CDH12: variants seen among roughly 807,000 people sequenced by gnomAD.
The protein encoded by CDH12 is cadherin 12, also known as cadherin-12.
A neutral mutation model predicts 74.1 loss-of-function variants in CDH12; 41 were observed. That is an observed-to-expected ratio of 0.55 (90% CI 0.43 to 0.72). CDH12 has a LOEUF of 0.72. Ranked by LOEUF, CDH12 falls within the 30% of genes least tolerant of loss-of-function variation. CDH12 has a pLI of 0.00. For missense variants in CDH12, 945 were observed against 977.2 expected, an observed-to-expected ratio of 0.97 and a Z score of 0.44; for synonymous variants, 399 against 355.0, an observed-to-expected ratio of 1.12 and a Z score of -1.39.
At chr5:22,531,413 T>C (rs1299628336) in intron 1 of CDH12, among the ~76,000 whole-genome samples, 1 of 152,092 alleles carries the variant, frequency 6.6e-6, no homozygotes, top group Non-Finnish European at 1.5e-5. Flanking sequence ...TCAACTACAC[T>C]ACAAATTTTT....
intron 3 of CDH12, among the ~76,000 whole-genome samples, chr5:22,391,254 G>C (rs1264072008): frequency 2.0e-5 from 3 of 152,036 alleles, no homozygotes; most frequent in Non-Finnish European, 4.4e-5. Context: ...TGGAACTCTG[G>C]GAAAAGCATT....
intron 5 of CDH12, among the ~76,000 whole-genome samples, chr5:22,072,360 A>C: frequency 6.6e-6 from 1 of 152,082 alleles, no homozygotes; most frequent in East Asian, 1.9e-4. Flanking sequence ...TGAAGTTTCA[A>C]GCCTCAGGGC....
At chr5:22,101,974 G>A (rs1334173093) in intron 4 of CDH12, among the ~76,000 whole-genome samples, 5 of 152,104 alleles carry the variant, frequency 3.3e-5, no homozygotes, top group Admixed American at 1.3e-4. Flanking sequence ...TGTTCCAATA[G>A]TGCCATATTT....
chr5:22,546,744 A>G (rs1374689749), intron 1 of CDH12, among the ~76,000 whole-genome samples: 1 of 152,124 alleles, frequency 6.6e-6, no homozygotes, highest in Non-Finnish European at 1.5e-5. Context: ...AGAACCTATA[A>G]TCCATATGTA....
chr5:22,094,412 A>C (rs1384259009), intron 4 of CDH12, among the ~76,000 whole-genome samples: 2 of 152,142 alleles, frequency 1.3e-5, no homozygotes, highest in African/African-American at 2.4e-5. Flanking sequence ...AGTTTTATTC[A>C]CCAGAATTCC....
intron 4 of CDH12, among the ~76,000 whole-genome samples, chr5:22,105,931 A>G (rs1744414632): frequency 1.3e-5 from 2 of 152,216 alleles, no homozygotes; most frequent in South Asian, 4.1e-4. Context: ...TTTTCCTTAA[A>G]TGTTAAGGGC....
intron 4 of CDH12, among the ~76,000 whole-genome samples, chr5:22,153,263 G>A (rs534906789): frequency 1.4e-5 from 2 of 144,522 alleles, no homozygotes; most frequent in East Asian, 4.1e-4. Context: ...AAACTTCAAT[G>A]TGCAGATGAA....
At chr5:21,934,856 G>C (rs1755004225) in intron 6 of CDH12, among the ~76,000 whole-genome samples, 1 of 151,950 alleles carries the variant, frequency 6.6e-6, no homozygotes, top group Admixed American at 6.6e-5. Flanking sequence ...GCGCGATCTT[G>C]GCTCATTGCA....
intron 8 of CDH12, among the ~76,000 whole-genome samples, chr5:21,840,984 A>T (rs1165154542): frequency 6.6e-6 from 1 of 151,882 alleles, no homozygotes; most frequent in Non-Finnish European, 1.5e-5. Flanking sequence ...AAGCAATGGC[A>T]ACAAAAGCCA....
At chr5:21,874,685 G>A (rs1044641420) in intron 6 of CDH12, among the ~76,000 whole-genome samples, 1 of 152,032 alleles carries the variant, frequency 6.6e-6, no homozygotes, top group Non-Finnish European at 1.5e-5. Context: ...AGCTTTGCTC[G>A]CCATCCACCA....
intron 5 of CDH12, among the ~76,000 whole-genome samples, chr5:22,055,234 C>T (rs1422204357): frequency 6.6e-6 from 1 of 152,098 alleles, no homozygotes; most frequent in African/African-American, 2.4e-5. Flanking sequence ...GAGGCAGCTG[C>T]AAAGAAGACT....
At chr5:22,119,152 C>G (rs1357924570) in intron 4 of CDH12, among the ~76,000 whole-genome samples, 3 of 152,100 alleles carry the variant, frequency 2.0e-5, no homozygotes, top group African/African-American at 7.2e-5. Context: ...CAGGCAAACA[C>G]TAAACCTTGC....
At chr5:22,255,288 GTT>G (rs1011894604) in intron 3 of CDH12, among the ~76,000 whole-genome samples, 7 of 151,348 alleles carry the variant, frequency 4.6e-5, no homozygotes, top group African/African-American at 1.7e-4. Context: ...TGATGTATGA[GTT>G]TCTATTTTTC....
rs75314169 is a variant in CDH12 at position 22,347,342 on chromosome 5, C to T, written c.-333+57915G>A. On this transcript the variant is annotated intron_variant, in intron 3 of 14. Coordinates refer to ENST00000382254, the MANE Select transcript of CDH12 (RefSeq NM_004061.5). ...TGGAAGGATCTGACTGGCTAAGTCTCTGGCTTTCATCTTTCTCCTGTGCTG... is the reference window on the plus strand; with the variant it reads ...TGGAAGGATCTGACTGGCTAAGTCTTTGGCTTTCATCTTTCTCCTGTGCTG... Among the ~76,000 whole-genome samples, 4 of 152,304 alleles carry T rather than the reference C, an allele frequency of 2.6e-5. No homozygotes were observed. The East Asian group carries it at 7.7e-4, about 30-fold the overall frequency.
chr5:22,698,310 T>A (rs566856263), intron 1 of CDH12, among the ~76,000 whole-genome samples: 14 of 151,452 alleles, frequency 9.2e-5, no homozygotes, highest in Admixed American at 4.6e-4. Flanking sequence ...TTAGTAGAGA[T>A]GGGGTTCACC....
At chr5:21,880,472 TTCC>T (rs1561267619) in intron 6 of CDH12, among the ~76,000 whole-genome samples, 1 of 17,992 alleles carries the variant, frequency 5.6e-5, no homozygotes, top group African/African-American at 7.5e-5. Flanking sequence ...CCTTCTTTCC[TTCC>T]TTCCTTCCTT....
chr5:21,940,180 T>A (rs1394897292), intron 6 of CDH12, among the ~76,000 whole-genome samples: 1 of 152,060 alleles, frequency 6.6e-6, no homozygotes, highest in Non-Finnish European at 1.5e-5. Context: ...TGAGCCAAGA[T>A]CACGCCATTG....
intron 2 of CDH12, among the ~76,000 whole-genome samples, chr5:22,488,227 C>T (rs1325588288): frequency 6.6e-6 from 1 of 152,166 alleles, no homozygotes; most frequent in African/African-American, 2.4e-5. Flanking sequence ...TCCTTCACTA[C>T]TTTTAAATAA....
intron 2 of CDH12, among the ~76,000 whole-genome samples, chr5:22,474,443 T>A (rs1186641229): frequency 2.6e-5 from 4 of 151,906 alleles, no homozygotes; most frequent in Non-Finnish European, 5.9e-5. Flanking sequence ...TCCAACTGAG[T>A]TCTGAAAGAA....
Sources: gnomAD v4.1 joint callset for allele counts (sites outside exome capture counted in the v4.1 genomes callset) on GRCh38, gnomAD v4.1.1 for gene constraint, MANE v1.5 for transcripts, NCBI Gene and HGNC (gene_info 2026-07-23, HGNC 2026-07-21) for gene names.